The following ELAVL2 variants were observed in gnomAD, a reference collection of about 807,000 sequenced individuals.
The protein encoded by ELAVL2 is ELAV-like protein 2.
Under a neutral mutation model 34.6 loss-of-function variants are expected in ELAVL2, and 4 were observed. The ratio of observed to expected loss-of-function variants is 0.12; its 90% CI spans 0.06 to 0.26. The LOEUF (loss-of-function observed/expected upper bound fraction) is 0.26. Ranked by LOEUF, ELAVL2 falls within the 10% of genes least tolerant of loss-of-function variation. The pLI is 1.00. For synonymous variants in ELAVL2, 193 were observed against 154.8 expected (o/e 1.25, Z -1.83); for missense variants, 432 against 442.8 (o/e 0.98, Z 0.22).
intron 3 of ELAVL2, among the ~76,000 whole-genome samples, chr9:23,719,610 G>A (rs141599105): frequency 6.6e-6 from 1 of 151,820 alleles, no homozygotes; most frequent in African/African-American, 2.4e-5. Context: ...AGGTCAAAAG[G>A]GTTTCTAAAT....
chr9:23,736,199 T>C (rs1049244119), intron 2 of ELAVL2, among the ~76,000 whole-genome samples: 2 of 152,122 alleles, frequency 1.3e-5, no homozygotes, highest in Admixed American at 1.3e-4. Flanking sequence ...TAATTCTTGA[T>C]TAAAAGTATA....
At chr9:23,820,689 T>G (rs2064469322) in intron 1 of ELAVL2, among the ~76,000 whole-genome samples, 1 of 152,124 alleles carries the variant, frequency 6.6e-6, no homozygotes. Context: ...CACCTGCCAG[T>G]GAACCGACGC....
chr9:23,780,437 T>C (rs1193169408), intron 1 of ELAVL2, among the ~76,000 whole-genome samples: 1 of 152,206 alleles, frequency 6.6e-6, no homozygotes, highest in South Asian at 2.1e-4. Context: ...TTTTTAAGCA[T>C]ATTTTCAATT....
chr9:23,835,569 A>G, the ELAVL2 span, among the ~76,000 whole-genome samples: 3 of 152,314 alleles, frequency 2.0e-5, no homozygotes, highest in East Asian at 5.8e-4. Context: ...TAGACTATAT[A>G]AAGGGCTTTT....
upstream of ELAVL2, among the ~76,000 whole-genome samples, chr9:23,827,948 A>G (rs1213598909): frequency 6.6e-6 from 1 of 152,146 alleles, no homozygotes; most frequent in East Asian, 1.9e-4. Flanking sequence ...TGTTTATAAA[A>G]TCATGCCTTA....
At chr9:23,696,228 AGCCCAGAAGTATTTCCTAGCTTTCTCGGT>A (rs2035151941) in intron 5 of ELAVL2, among the ~76,000 whole-genome samples, 1 of 151,906 alleles carries the variant, frequency 6.6e-6, no homozygotes, top group African/African-American at 2.4e-5. Flanking sequence ...TATGCATCTG[AGCCCAGAAGTATTTCCTAGCTTTCTCGGT>A]GCCATAGATT....
At chr9:23,721,214 A>C (rs1013915178) in intron 3 of ELAVL2, among the ~76,000 whole-genome samples, 1 of 152,224 alleles carries the variant, frequency 6.6e-6, no homozygotes, top group Non-Finnish European at 1.5e-5. Flanking sequence ...AACTCATCCA[A>C]AGATATTTCC....
chr9:23,807,400 G>A (rs990706310), intron 1 of ELAVL2, among the ~76,000 whole-genome samples: 1 of 151,410 alleles, frequency 6.6e-6, no homozygotes, highest in African/African-American at 2.4e-5. Flanking sequence ...CATCTCTTAC[G>A]AACATACCTA....
intron 4 of ELAVL2, among the ~76,000 whole-genome samples, chr9:23,704,146 G>C (rs1240315847): frequency 4.0e-5 from 6 of 151,806 alleles, no homozygotes; most frequent in Non-Finnish European, 8.8e-5. Flanking sequence ...TGGTCACGCT[G>C]GTCTTGAACT....
chr9:23,704,030 T>A (rs2038431772), intron 4 of ELAVL2, among the ~76,000 whole-genome samples: 1 of 152,128 alleles, frequency 6.6e-6, no homozygotes, highest in Non-Finnish European at 1.5e-5. Context: ...CCTCTGGGGT[T>A]CAAGTGATTC....
intron 1 of ELAVL2, among the ~76,000 whole-genome samples, chr9:23,773,721 C>G (rs919527308): frequency 1.3e-5 from 2 of 152,032 alleles, no homozygotes; most frequent in Admixed American, 6.5e-5. Context: ...AAAGCATTAG[C>G]CTTTGAATTA....
At chr9:23,697,794 A>G (rs1385506862) in intron 5 of ELAVL2, among the ~76,000 whole-genome samples, 1 of 152,162 alleles carries the variant, frequency 6.6e-6, no homozygotes, top group Non-Finnish European at 1.5e-5. Flanking sequence ...GAACCCGATT[A>G]AAGTCAGAAA....
chr9:23,731,805 A>G (rs1369722138), intron 2 of ELAVL2, among the ~76,000 whole-genome samples: 1 of 152,182 alleles, frequency 6.6e-6, no homozygotes. Context: ...AAGAAGAAAT[A>G]GAACATAAAC....
intron 1 of ELAVL2, among the ~76,000 whole-genome samples, chr9:23,813,252 C>A (rs2138183316): frequency 6.6e-6 from 1 of 152,208 alleles, no homozygotes; most frequent in South Asian, 2.1e-4. Flanking sequence ...TCTGCTGGTG[C>A]ATCAGTCTGC....
intron 5 of ELAVL2, among the ~76,000 whole-genome samples, chr9:23,699,992 C>T (rs1183218759): frequency 6.6e-6 from 1 of 151,924 alleles, no homozygotes; most frequent in Non-Finnish European, 1.5e-5. Flanking sequence ...CTTCTCATAT[C>T]TCAAGCAACA....
intron 1 of ELAVL2, among the ~76,000 whole-genome samples, chr9:23,781,504 C>CT (rs1006995164): frequency 6.8e-6 from 1 of 147,446 alleles, no homozygotes; most frequent in South Asian, 2.1e-4. Context: ...AGAAAAGTTT[C>CT]TTTTTTTTCT....
intron 2 of ELAVL2, among the ~76,000 whole-genome samples, chr9:23,754,338 A>G (rs755401882): frequency 8.5e-5 from 13 of 152,182 alleles, no homozygotes; most frequent in Non-Finnish European, 1.6e-4. Flanking sequence ...CAGGTTATCT[A>G]AAGAAGCAGC....
At chr9:23,844,850 G>C in the ELAVL2 span, among the ~76,000 whole-genome samples, 1 of 152,036 alleles carries the variant, frequency 6.6e-6, no homozygotes, top group Non-Finnish European at 1.5e-5. Context: ...ACTTTACTTT[G>C]AACACAAAAT....
chr9:23,753,126 T>C (rs955007230), intron 2 of ELAVL2, among the ~76,000 whole-genome samples: 14 of 152,164 alleles, frequency 9.2e-5, no homozygotes, highest in African/African-American at 1.7e-4. Flanking sequence ...ATTAAGCCAC[T>C]GTATAGACCT....
Sources: gnomAD v4.1 joint callset for allele counts (sites outside exome capture counted in the v4.1 genomes callset) on GRCh38, gnomAD v4.1.1 for gene constraint, MANE v1.5 for transcripts, NCBI Gene and HGNC (gene_info 2026-07-23, HGNC 2026-07-21) for gene names.